CACNA1E: variants seen among roughly 807,000 people sequenced by gnomAD.
The protein encoded by CACNA1E is voltage-dependent R-type calcium channel subunit alpha-1E.
Under a neutral mutation model 259.2 loss-of-function variants are expected in CACNA1E, and 40 were observed. The observed-to-expected ratio is 0.15, with a 90% CI of 0.12 to 0.20. CACNA1E has a LOEUF of 0.20. CACNA1E is among the 10% of genes least tolerant of loss of function. The pLI is 1.00. For missense variants in CACNA1E, 1,874 were observed against 3,040.1 expected (o/e 0.62, Z 9.02); for synonymous variants, 1,104 against 1,138.5 (o/e 0.97, Z 0.61).
chr1:181,623,272 T>C (rs1203696244), intron 6 of CACNA1E, among the ~76,000 whole-genome samples: 1 of 152,216 alleles, frequency 6.6e-6, no homozygotes, highest in Non-Finnish European at 1.5e-5. Context: ...GTATGTATTA[T>C]AGTGTACCTT....
chr1:181,484,571 C>G (rs1321219932), intron 1 of CACNA1E, among the ~76,000 whole-genome samples: 1 of 152,196 alleles, frequency 6.6e-6, no homozygotes, highest in East Asian at 1.9e-4. Flanking sequence ...ACTCAGCTAA[C>G]TCTAGGGACT....
chr1:181,408,543 C>G (rs114277383), intron 1 of CACNA1E, among the ~76,000 whole-genome samples: 1 of 152,078 alleles, frequency 6.6e-6, no homozygotes, highest in African/African-American at 2.4e-5. Flanking sequence ...GCTATGAGCT[C>G]GAGTGTTTTT....
chr1:181,717,783 C>T (rs1040155815), intron 11 of CACNA1E, among the ~76,000 whole-genome samples: 7 of 152,182 alleles, frequency 4.6e-5, no homozygotes, highest in Admixed American at 3.3e-4. Context: ...TAAGTCCTCT[C>T]TTTCCCCCTG....
At chr1:181,479,662 G>A (rs1663100935), upstream of CACNA1E, among the ~76,000 whole-genome samples, 1 of 152,222 alleles carries the variant, frequency 6.6e-6, no homozygotes, top group Non-Finnish European at 1.5e-5. Context: ...AATTCAATTT[G>A]AGGATGGTAA....
At chr1:181,514,244 GA>G (rs1254058274) in intron 3 of CACNA1E, among the ~76,000 whole-genome samples, 1 of 152,220 alleles carries the variant, frequency 6.6e-6, no homozygotes, top group African/African-American at 2.4e-5. Flanking sequence ...ATAATGGCAT[GA>G]TATAGTTTAA....
At chr1:181,549,771 C>A (rs1433440133) in intron 3 of CACNA1E, among the ~76,000 whole-genome samples, 1 of 152,124 alleles carries the variant, frequency 6.6e-6, no homozygotes, top group Non-Finnish European at 1.5e-5. Flanking sequence ...GGCATGGAGA[C>A]CAGAGCAAGC....
chr1:181,386,060 G>A (rs1407220567), intron 1 of CACNA1E, among the ~76,000 whole-genome samples: 1 of 152,160 alleles, frequency 6.6e-6, no homozygotes, highest in Non-Finnish European at 1.5e-5. Context: ...CTAACAAAGT[G>A]TTATTTGTTC....
At chr1:181,757,161 AG>A in intron 30 of CACNA1E, 35 bp downstream of exon 30, 1 of 1,485,822 alleles carries the variant, frequency 6.7e-7, no homozygotes, top group South Asian at 1.1e-5. Flanking sequence ...GGAGCAGCAG[AG>A]GCTCCAGAAA....
intron 8 of CACNA1E, among the ~76,000 whole-genome samples, chr1:181,712,618 T>G (rs1360311856): frequency 6.6e-6 from 1 of 152,206 alleles, no homozygotes; most frequent in Non-Finnish European, 1.5e-5. Context: ...GTGTTGACTA[T>G]ACTTGCATTT....
At position 181,618,408 on chromosome 1, in the gene CACNA1E, A is replaced by G. The variant is rs999241154; in HGVS notation, c.952-32930A>G. Among the ~76,000 whole-genome samples the G allele has an allele frequency of 3.9e-5, 6 of 152,322 alleles. No individual in the cohort carries two copies. In the East Asian group the frequency reaches 1.2e-3, roughly 29 times the overall value. ...GGTGAAAGCTTGTCTCTACTAAAAAATACAAAATTAGCTGGGCATGGTGGT... is the reference window on the plus strand; with the variant it reads ...GGTGAAAGCTTGTCTCTACTAAAAAGTACAAAATTAGCTGGGCATGGTGGT... On this transcript the variant is annotated intron_variant, in intron 6 of 47. Coordinates refer to ENST00000367573, the MANE Select transcript of CACNA1E (RefSeq NM_001205293.3).
At chr1:181,431,483 A>G (rs1032107150) in intron 2 of CACNA1E, among the ~76,000 whole-genome samples, 4 of 152,162 alleles carry the variant, frequency 2.6e-5, no homozygotes, top group African/African-American at 9.7e-5. Context: ...GGTTGCAGAC[A>G]GTTAAAAGTT....
chr1:181,657,624 C>A (rs531443270), intron 7 of CACNA1E, among the ~76,000 whole-genome samples: 1 of 151,958 alleles, frequency 6.6e-6, no homozygotes, highest in African/African-American at 2.4e-5. Context: ...AAGTGTAGGA[C>A]GAAAGGCGTA....
chr1:181,322,392 T>C (rs1335346661), intron 1 of CACNA1E, among the ~76,000 whole-genome samples: 3 of 152,284 alleles, frequency 2.0e-5, no homozygotes, highest in East Asian at 3.9e-4. Context: ...ACTAGGCCAT[T>C]GGACCAAGTA....
chr1:181,793,925 A>G (rs978514286), intron 45 of CACNA1E, 132 bp downstream of exon 45: 3 of 978,818 alleles, frequency 3.1e-6, no homozygotes, highest in Non-Finnish European at 2.9e-6. Flanking sequence ...AACCTGGCTC[A>G]TGGGTCGTCT....
At chr1:181,442,819 G>A (rs144218617) in intron 2 of CACNA1E, among the ~76,000 whole-genome samples, 3 of 152,300 alleles carry the variant, frequency 2.0e-5, no homozygotes, top group Admixed American at 2.0e-4. Flanking sequence ...CTCCATAGGT[G>A]ATGTTCCACC....
At chr1:181,384,545 TC>T (rs1237495247) in intron 1 of CACNA1E, among the ~76,000 whole-genome samples, 1 of 152,218 alleles carries the variant, frequency 6.6e-6, no homozygotes, top group African/African-American at 2.4e-5. Flanking sequence ...ACTGTGTGAC[TC>T]AGGCAAGTTA....
At chr1:181,435,171 C>T (rs1275302725) in intron 2 of CACNA1E, among the ~76,000 whole-genome samples, 1 of 152,160 alleles carries the variant, frequency 6.6e-6, no homozygotes, top group Non-Finnish European at 1.5e-5. Context: ...GCTACTCTTC[C>T]CCTAGAGAGC....
chr1:181,619,802 G>A (rs753008585), intron 6 of CACNA1E, among the ~76,000 whole-genome samples: 1 of 152,100 alleles, frequency 6.6e-6, no homozygotes, highest in Non-Finnish European at 1.5e-5. Flanking sequence ...ATTATTTGAA[G>A]GCTTTTGGCT....
intron 16 of CACNA1E, among the ~76,000 whole-genome samples, chr1:181,722,473 C>T (rs1223402487): frequency 6.6e-6 from 1 of 152,152 alleles, no homozygotes; most frequent in Non-Finnish European, 1.5e-5. Flanking sequence ...AACTCCAGTG[C>T]CCTATCCAAT....
Sources: allele counts gnomAD v4.1 joint callset (sites outside exome capture counted in the v4.1 genomes callset), GRCh38; gene constraint gnomAD v4.1.1; transcripts MANE v1.5; gene names NCBI Gene and HGNC (gene_info 2026-07-23, HGNC 2026-07-21).